The following NUMB variants were observed in gnomAD, a reference collection of about 807,000 sequenced individuals.
The protein encoded by NUMB is protein numb homolog.
Under a neutral mutation model 59.7 loss-of-function variants are expected in NUMB, and 29 were observed. The ratio of observed to expected loss-of-function variants is 0.49; its 90% CI spans 0.36 to 0.66. The LOEUF (loss-of-function observed/expected upper bound fraction) is 0.66. NUMB is among the 30% of genes least tolerant of loss of function. The pLI is 0.00. For synonymous variants in NUMB, 288 were observed against 288.2 expected, an observed-to-expected ratio of 1.00 and a Z score of 0.01; for missense variants, 723 against 822.0, an observed-to-expected ratio of 0.88 and a Z score of 1.47.
At chr14:73,407,178 A>G (rs1055269810) in intron 2 of NUMB, among the ~76,000 whole-genome samples, 2 of 152,112 alleles carry the variant, frequency 1.3e-5, no homozygotes, top group Non-Finnish European at 2.9e-5. Context: ...AAAACAAAAA[A>G]AACAAACTCA....
At chr14:73,287,420 C>A (rs1889091791) in intron 8 of NUMB, 106 bp from the exon 9 acceptor site, 3 of 1,042,064 alleles carry the variant, frequency 2.9e-6, no homozygotes, top group African/African-American at 3.2e-5. Flanking sequence ...TTACTGTTAC[C>A]CAGGCTGGAG....
At chr14:73,367,348 T>TATATATATATATAGAGAGAG (rs1555375287) in intron 2 of NUMB, among the ~76,000 whole-genome samples, 17 of 105,278 alleles carry the variant, frequency 1.6e-4, no homozygotes, top group African/African-American at 8.0e-4. Context: ...TATATATATA[T>TATATATATATATAGAGAGAG]AGAGAGAGAG....
intron 1 of NUMB, among the ~76,000 whole-genome samples, chr14:73,450,083 G>A (rs762559026): frequency 3.3e-5 from 5 of 152,204 alleles, no homozygotes; most frequent in Non-Finnish European, 7.3e-5. Context: ...CATCCTAAAA[G>A]AGAAGTCTAT....
chr14:73,441,176 A>G (rs564837500), intron 1 of NUMB, among the ~76,000 whole-genome samples: 34 of 152,336 alleles, frequency 2.2e-4, no homozygotes, highest in Admixed American at 1.8e-3. Flanking sequence ...TCTTCCAAGA[A>G]GATAGACAAA....
At chr14:73,280,937 G>T (rs554227706) in intron 11 of NUMB, among the ~76,000 whole-genome samples, 2 of 151,938 alleles carry the variant, frequency 1.3e-5, no homozygotes, top group South Asian at 4.2e-4. Context: ...CTGGTGATCC[G>T]CCTGCCTCAG....
At chr14:73,451,163 A>AAAAC (rs1883920314) in intron 1 of NUMB, among the ~76,000 whole-genome samples, 1 of 139,984 alleles carries the variant, frequency 7.1e-6, no homozygotes, top group Non-Finnish European at 1.5e-5. Flanking sequence ...CAAAAAAAAA[A>AAAAC]AAAAAAAAAA....
intron 1 of NUMB, among the ~76,000 whole-genome samples, chr14:73,419,096 T>A (rs1458153102): frequency 6.6e-6 from 1 of 152,190 alleles, no homozygotes; most frequent in African/African-American, 2.4e-5. Flanking sequence ...TAAAGTTAAG[T>A]ATGTTCATAA....
chr14:73,334,467 G>GT (rs1487947928), intron 4 of NUMB, among the ~76,000 whole-genome samples: 2 of 152,112 alleles, frequency 1.3e-5, no homozygotes. Context: ...CTCTTTGAGT[G>GT]TTTGACAGAA....
intron 5 of NUMB, among the ~76,000 whole-genome samples, chr14:73,320,982 T>A (rs1891371127): frequency 6.6e-6 from 1 of 152,110 alleles, no homozygotes; most frequent in African/African-American, 2.4e-5. Context: ...TTTATTTGTG[T>A]ACTTTTTTGG....
intron 11 of NUMB, among the ~76,000 whole-genome samples, chr14:73,280,322 C>T (rs1293884577): frequency 1.3e-5 from 2 of 152,028 alleles, no homozygotes; most frequent in Non-Finnish European, 2.9e-5. Context: ...GATGAGAAAT[C>T]GAAGTTGGTA....
rs145115105 is a variant in NUMB, at chr14:73,299,531, GTA to G, written c.235-2248_235-2247del. Among the ~76,000 whole-genome samples the G allele has an allele frequency of 5.0e-3, 713 of 142,220 alleles. 6 individuals carry two copies. Among genetic ancestry groups the G allele is most frequent in the African/African-American group, 0.018 (658 of 37,112 alleles). 93.3% of individuals were successfully genotyped at this position (142,220 alleles called of 152,430 possible). ...AGTGAATTCTTAAAATAGATAATAT[GTA>G]TATATATGTCATATATGTATCATAT... On this transcript the variant is annotated intron_variant, in intron 6 of 12. Coordinates refer to ENST00000555238, the MANE Select transcript of NUMB (RefSeq NM_001005743.2).
chr14:73,421,948 G>C (rs769116449), intron 1 of NUMB, among the ~76,000 whole-genome samples: 66 of 152,178 alleles, frequency 4.3e-4, no homozygotes, highest in Admixed American at 2.2e-3. Flanking sequence ...AGCCCAGCCT[G>C]GCCAACATCG....
intron 2 of NUMB, among the ~76,000 whole-genome samples, chr14:73,401,263 T>C (rs1032027614): frequency 2.6e-5 from 4 of 152,332 alleles, no homozygotes; most frequent in Non-Finnish European, 5.9e-5. Flanking sequence ...TCCTGTGTAC[T>C]ATTCTGGTAA....
chr14:73,365,651 G>C (rs1894312667), intron 3 of NUMB, among the ~76,000 whole-genome samples: 2 of 152,064 alleles, frequency 1.3e-5, no homozygotes, highest in African/African-American at 4.8e-5. Flanking sequence ...ACAGAGCTCT[G>C]GGGTTCATAC....
At chr14:73,317,170 T>C (rs755852634) in intron 5 of NUMB, among the ~76,000 whole-genome samples, 14 of 152,242 alleles carry the variant, frequency 9.2e-5, no homozygotes, top group Non-Finnish European at 1.9e-4. Context: ...GTTACAAGGC[T>C]AATGTTTATA....
At chr14:73,347,913 T>C (rs61985801) in intron 4 of NUMB, among the ~76,000 whole-genome samples, 23,822 of 152,190 alleles carry the variant, frequency 0.16, 2,697 homozygotes, top group Non-Finnish European at 0.23. Flanking sequence ...ATCTGTAAAT[T>C]TACCTACTCA....
At chr14:73,402,833 C>T (rs930310291) in intron 2 of NUMB, among the ~76,000 whole-genome samples, 2 of 152,210 alleles carry the variant, frequency 1.3e-5, no homozygotes, top group African/African-American at 4.8e-5. Context: ...ATTATCTTTA[C>T]TATTTTTAGT....
Position 73,451,174 on chromosome 14 carries a change from AC to A in NUMB, c.-233+7318del, listed in dbSNP as rs768322027. ...GTCTCAAAAAAAAAAAAAAAAAAAA[AC>A]AAAAAACAAATCTACACTTCGGGAG... On this transcript the variant is annotated intron_variant, in intron 1 of 12. Coordinates refer to ENST00000555238, the MANE Select transcript of NUMB (RefSeq NM_001005743.2). Among the ~76,000 whole-genome samples the A allele has an allele frequency of 3.3e-3, 384 of 117,262 alleles. 35 individuals are homozygous for A. Among genetic ancestry groups the A allele is most frequent in the African/African-American group, 0.012 (332 of 28,748 alleles). 76.9% of individuals were successfully genotyped at this position (117,262 alleles called of 152,430 possible).
chr14:73,324,107 A>G lies in NUMB; in HGVS notation c.127-903T>C, dbSNP rs151074870. On this transcript the variant is annotated intron_variant, in intron 4 of 12. Transcript: ENST00000555238. ...CCCTGGGAATCTTATCAACTGGGGT[A>G]GATTAACTGTATCACAGAAGAAGAG... Among the ~76,000 whole-genome samples, 80 of 152,324 alleles carry G rather than the reference A, an allele frequency of 5.3e-4. 1 individual carries two copies. Among genetic ancestry groups the G allele is most frequent in the Middle Eastern group, 6.8e-3 (2 of 294 alleles).
Sources: allele counts gnomAD v4.1 joint callset (sites outside exome capture counted in the v4.1 genomes callset), GRCh38; gene constraint gnomAD v4.1.1; transcripts MANE v1.5; gene names NCBI Gene and HGNC (gene_info 2026-07-23, HGNC 2026-07-21).